CACNA2D1: variants seen among roughly 807,000 people sequenced by gnomAD.
The protein encoded by CACNA2D1 is calcium voltage-gated channel auxiliary subunit alpha2delta 1, also known as voltage-dependent calcium channel subunit alpha-2/delta-1.
A neutral mutation model predicts 171.5 loss-of-function variants in CACNA2D1; 53 were observed. The ratio of observed to expected loss-of-function variants is 0.31; its 90% CI spans 0.25 to 0.39. The LOEUF is 0.39. CACNA2D1 is among the 10% of genes least tolerant of loss of function. The pLI, the probability that CACNA2D1 is intolerant of heterozygous loss-of-function variation, is 1.00. For missense variants in CACNA2D1, 903 were observed against 1,299.8 expected, an observed-to-expected ratio of 0.69 and a Z score of 4.69; for synonymous variants, 442 against 443.1, an observed-to-expected ratio of 1.00 and a Z score of 0.03.
intron 1 of CACNA2D1, among the ~76,000 whole-genome samples, chr7:82,438,210 T>C (rs975357507): frequency 3.3e-5 from 5 of 152,198 alleles, no homozygotes; most frequent in Non-Finnish European, 7.4e-5. Flanking sequence ...CTGAAAACAG[T>C]TGTGGACTGA....
chr7:82,256,819 T>C (rs1326155669), intron 3 of CACNA2D1, among the ~76,000 whole-genome samples: 2 of 152,180 alleles, frequency 1.3e-5, no homozygotes, highest in Non-Finnish European at 2.9e-5. Flanking sequence ...GCATTTAAAA[T>C]ATGAAGCAAA....
chr7:82,299,149 A>G (rs1172014807), intron 3 of CACNA2D1, among the ~76,000 whole-genome samples: 1 of 151,988 alleles, frequency 6.6e-6, no homozygotes. Flanking sequence ...TTCTCTGCTT[A>G]TCATACAAAC....
At chr7:82,264,030 A>T (rs1170488041) in intron 3 of CACNA2D1, among the ~76,000 whole-genome samples, 2 of 152,080 alleles carry the variant, frequency 1.3e-5, no homozygotes, top group African/African-American at 2.4e-5. Context: ...AAGCCCATAA[A>T]CTCATTCTAA....
At chr7:82,029,947 G>C (rs528222408) in intron 12 of CACNA2D1, 1 of 151,834 alleles carries the variant, frequency 6.6e-6, no homozygotes, top group Non-Finnish European at 1.5e-5. Flanking sequence ...AAGGTTATAT[G>C]TTTTCAGGAA....
At chr7:82,253,813 G>A (rs1805957392) in intron 3 of CACNA2D1, among the ~76,000 whole-genome samples, 1 of 152,134 alleles carries the variant, frequency 6.6e-6, no homozygotes, top group Admixed American at 6.6e-5. Flanking sequence ...CTTGAATTTA[G>A]TATGTTCCCA....
chr7:82,129,617 G>A (rs1790726859), intron 5 of CACNA2D1, among the ~76,000 whole-genome samples: 3 of 152,232 alleles, frequency 2.0e-5, no homozygotes, highest in South Asian at 4.1e-4. Context: ...TTTCTTTGGG[G>A]ACAGTAAGCA....
intron 2 of CACNA2D1, among the ~76,000 whole-genome samples, chr7:82,337,487 TCTAA>T (rs1349574833): frequency 1.3e-5 from 2 of 152,214 alleles, no homozygotes; most frequent in Non-Finnish European, 2.9e-5. Flanking sequence ...TGTGTATATT[TCTAA>T]CTCTTTCCAT....
chr7:82,386,626 G>A (rs367898899), intron 1 of CACNA2D1, among the ~76,000 whole-genome samples: 6 of 152,058 alleles, frequency 3.9e-5, no homozygotes, highest in East Asian at 3.9e-4. Flanking sequence ...CCAGCTACTC[G>A]CAAGGCTGAG....
At chr7:82,081,666 T>C (rs1809790339) in intron 7 of CACNA2D1, among the ~76,000 whole-genome samples, 2 of 152,202 alleles carry the variant, frequency 1.3e-5, no homozygotes, top group South Asian at 4.1e-4. Flanking sequence ...GAAAGACTAG[T>C]GCAGGACTTT....
At chr7:81,978,785 A>ACG (rs1796133509) in intron 24 of CACNA2D1, among the ~76,000 whole-genome samples, 1 of 136,774 alleles carries the variant, frequency 7.3e-6, no homozygotes, top group Non-Finnish European at 1.5e-5. Context: ...ACACACACAC[A>ACG]CTGTTCAAAA....
intron 7 of CACNA2D1, among the ~76,000 whole-genome samples, chr7:82,079,244 C>A (rs191979245): frequency 1.3e-5 from 2 of 152,166 alleles, no homozygotes; most frequent in African/African-American, 4.8e-5. Flanking sequence ...ATTCTCTTAA[C>A]AATTATACCA....
chr7:82,260,067 C>G (rs370410050), intron 3 of CACNA2D1, among the ~76,000 whole-genome samples: 1 of 151,990 alleles, frequency 6.6e-6, no homozygotes, highest in African/African-American at 2.4e-5. Flanking sequence ...ACTAAAAATA[C>G]ACAAATTAGC....
chr7:82,011,416 C>A (rs985953843), intron 15 of CACNA2D1, among the ~76,000 whole-genome samples: 1 of 152,108 alleles, frequency 6.6e-6, no homozygotes, highest in Non-Finnish European at 1.5e-5. Context: ...CAAGCCATGA[C>A]AATCAAAAAT....
chr7:81,970,343 A>C (rs1795140694), intron 27 of CACNA2D1, among the ~76,000 whole-genome samples: 1 of 151,410 alleles, frequency 6.6e-6, no homozygotes, highest in Non-Finnish European at 1.5e-5. Context: ...GAAAGATAAT[A>C]AAGTGCTACA....
intron 3 of CACNA2D1, among the ~76,000 whole-genome samples, chr7:82,177,139 A>G (rs536880774): frequency 7.4e-5 from 11 of 147,886 alleles, no homozygotes; most frequent in Admixed American, 2.7e-4. Flanking sequence ...GAAAATACTG[A>G]AAAGCACAGA....
At chr7:82,339,946 G>C (rs1452575746) in intron 2 of CACNA2D1, among the ~76,000 whole-genome samples, 4 of 152,128 alleles carry the variant, frequency 2.6e-5, no homozygotes, top group Non-Finnish European at 4.4e-5. Flanking sequence ...GAATCACAAA[G>C]GTCCTTAAAA....
At chr7:82,146,982 TCAAAA>T (rs1358857258) in intron 4 of CACNA2D1, among the ~76,000 whole-genome samples, 2 of 21,134 alleles carry the variant, frequency 9.5e-5, no homozygotes, top group Non-Finnish European at 1.6e-4. Context: ...GACTCCCATC[TCAAAA>T]AAAAAAAAAA....
intron 6 of CACNA2D1, 56 bp from the exon 7 acceptor site, chr7:82,084,956 T>A: frequency 7.7e-7 from 1 of 1,297,356 alleles, no homozygotes; most frequent in South Asian, 1.2e-5. Flanking sequence ...AAAAACTGAA[T>A]GTCTTCATTT....
chr7:82,014,311 C>G (rs549764955), intron 13 of CACNA2D1, 90 bp downstream of exon 13: 2 of 736,976 alleles, frequency 2.7e-6, no homozygotes, highest in African/African-American at 3.5e-5. Context: ...AAGTTAGCTA[C>G]AATTTTAGCT....
Sources: allele counts gnomAD v4.1 joint callset (sites outside exome capture counted in the v4.1 genomes callset), GRCh38; gene constraint gnomAD v4.1.1; transcripts MANE v1.5; gene names NCBI Gene and HGNC (gene_info 2026-07-23, HGNC 2026-07-21).